PROC: variants seen among roughly 807,000 people sequenced by gnomAD.
PROC encodes vitamin K-dependent protein C.
Under a neutral mutation model 36.3 loss-of-function variants are expected in PROC, and 22 were observed. The observed-to-expected ratio is 0.61, with a 90% CI of 0.43 to 0.86. PROC has a LOEUF of 0.86. Among genes scored for constraint, PROC ranks in the 40% least tolerant of loss-of-function variants. The pLI is 0.00. For missense variants in PROC, 526 were observed against 629.7 expected, an observed-to-expected ratio of 0.84 and a Z score of 1.76; for synonymous variants, 218 against 244.5, an observed-to-expected ratio of 0.89 and a Z score of 1.01.
Position 127,428,767 on chromosome 2 carries a change from G to C in PROC, c.1207G>C (p.Gly403Arg), listed in dbSNP as rs1442363621. The change falls in exon 9 of 9, where the codon GGG becomes CGG. Residue 403 changes from glycine to arginine, a missense_variant. Transcript: ENST00000234071. Reference protein sequence around the residue: ...DRQDACEGDSGGPMVASFHGT... With the variant: ...DRQDACEGDSRGPMVASFHGT... ...GCAGGATGCCTGCGAGGGCGACAGT[G>C]GGGGGCCCATGGTCGCCTCCTTCCA... is the stretch of plus-strand genomic sequence containing the variant. The C allele has an allele frequency of 1.2e-6, 2 of 1,612,922 alleles. No homozygotes were observed. The highest frequency in any genetic ancestry group is 8.5e-7 in the Non-Finnish European group (1 of 1,179,708).
rs145800354 is a variant in PROC at position 127,428,671 on chromosome 2, A to G, written c.1111A>G (p.Asn371Asp). 269 of 1,613,988 alleles carry G rather than the reference A, an allele frequency of 1.7e-4. No homozygotes were observed. In the African/African-American group the frequency reaches 3.2e-3, roughly 19 times the overall value. Residue 371 changes from asparagine (N) to aspartate (D), a missense_variant, in exon 9 of 9, where the codon AAT (asparagine) becomes GAT (aspartate). Physicochemically the swap from Asn to Asp is conservative, Grantham distance 23 (BLOSUM62 1). Transcript: ENST00000234071. Reference sequence around the variant, plus strand: ...CATCAAGATTCCCGTGGTCCCGCACAATGAGTGCAGCGAGGTCATGAGCAA... The same window carrying G: ...CATCAAGATTCCCGTGGTCCCGCACGATGAGTGCAGCGAGGTCATGAGCAA... ...NFIKIPVVPH[N>D]ECSEVMSNMV...
intron 6 of PROC, chr2:127,423,624 C>T: frequency 1.5e-6 from 1 of 652,462 alleles, no homozygotes; most frequent in Non-Finnish European, 2.4e-6. Context: ...TTCCCTGCTT[C>T]CTTTCTTCCT....
In PROC at chr2:127,421,301, G is replaced by A; in HGVS notation, c.89G>A (p.Ser30Asn). The change falls in exon 3 of 9, where the codon AGC becomes AAC. Residue 30 changes from serine (S) to asparagine (N), a missense_variant. Physicochemically the swap from Ser to Asn is conservative, Grantham distance 46. Transcript: ENST00000234071. Reference sequence around the variant, plus strand: ...AAACCAGACTCAGTGTTCTCCAGCAGCGAGCGTGCCCACCAGGTGCTGCGG... The same window carrying A: ...AAACCAGACTCAGTGTTCTCCAGCAACGAGCGTGCCCACCAGGTGCTGCGG... The part of the protein sequence containing the change: ...PAPLDSVFSS[S>N]ERAHQVLRIR... The A allele has an allele frequency of 2.5e-6, 4 of 1,613,826 alleles. No individual in the cohort carries two copies. Among genetic ancestry groups the A allele is most frequent in the Non-Finnish European group, 3.4e-6 (4 of 1,179,892 alleles).
intron 8 of PROC, 92 bp downstream of exon 8, chr2:127,427,314 G>A (rs1052386989): frequency 7.0e-6 from 8 of 1,146,300 alleles, no homozygotes; most frequent in Non-Finnish European, 1.0e-5. Flanking sequence ...CCGCTCCCCA[G>A]GTGCTTAAGC....
rs199469478 is a variant in PROC at position 127,423,176 on chromosome 2, G to T, written c.400+5G>T. On this transcript the variant is annotated splice_donor_5th_base_variant and intron_variant, in intron 5 of 8. Transcript: ENST00000234071. ...AGGGCCGCTTCTGCCAGCGCGGTGA[G>T]GGGGAGAGGTGGATGCTGGCGGGCG... 1 of 1,570,272 alleles carries T rather than the reference G, an allele frequency of 6.4e-7. No homozygotes were observed. Among genetic ancestry groups the T allele is most frequent in the Non-Finnish European group, 8.6e-7 (1 of 1,158,056 alleles).
rs1455925750 is a variant in PROC at position 127,421,362 on chromosome 2, C to T, written c.150C>T (p.Leu50=). ...GTGCCAACTCCTTCCTGGAGGAGCT[C>T]CGTCACAGCAGCCTGGAGCGGGAGT... is the stretch of plus-strand genomic sequence containing the variant. The part of the protein sequence containing the change: ...RKRANSFLEE[L]RHSSLERECI... Residue 50 remains leucine, a synonymous_variant, in exon 3 of 9, where the codon CTC becomes CTT. Transcript: ENST00000234071. 1 of 1,613,964 alleles carries T rather than the reference C, an allele frequency of 6.2e-7. No individual in the cohort carries two copies. The highest frequency in any genetic ancestry group is 2.2e-5 in the East Asian group (1 of 44,886).
rs141377984 is a variant in PROC, at chr2:127,425,335, C to A, written c.536-750C>A. On this transcript the variant is annotated intron_variant, in intron 6 of 8. Transcript: ENST00000234071. ...TCCATTCTTTTGTTATGATGCAGCTCCCCTGCTGACGACGTCCCATTGCTC... is the reference window on the plus strand; with the variant it reads ...TCCATTCTTTTGTTATGATGCAGCTACCCTGCTGACGACGTCCCATTGCTC... 4.6e-5 allele frequency among the ~76,000 whole-genome samples: 7 copies of A among 152,322 alleles called. 1 individual carries two copies. Among genetic ancestry groups the A allele is most frequent in the African/African-American group, 1.7e-4 (7 of 41,558 alleles).
intron 3 of PROC, 39 bp from the exon 4 acceptor site, chr2:127,422,878 C>G: frequency 1.9e-6 from 3 of 1,549,240 alleles, no homozygotes; most frequent in Non-Finnish European, 2.6e-6. Flanking sequence ...CCTCCGCACA[C>G]CGGCTGCAGG....
chr2:127,419,743 T>C (rs1687974790), intron 1 of PROC, 179 bp from the exon 2 acceptor site: 6 of 1,418,462 alleles, frequency 4.2e-6, no homozygotes, highest in African/African-American at 1.4e-5. Context: ...CAGCCCCACG[T>C]AGAGCGGGCA....
In PROC at chr2:127,428,682, C is replaced by T. The variant is rs187228759; in HGVS notation, c.1122C>T (p.Ser374=). 2.0e-5 allele frequency: 33 copies of T among 1,613,942 alleles called. No individual in the cohort carries two copies. In the East Asian group the frequency reaches 5.8e-4, roughly 28 times the overall value. ...CCGTGGTCCCGCACAATGAGTGCAG[C>T]GAGGTCATGAGCAACATGGTGTCTG... ...KIPVVPHNEC[S]EVMSNMVSEN... The change falls in exon 9 of 9, where the codon AGC becomes AGT. Residue 374 remains serine, a synonymous_variant. Transcript: ENST00000234071.
chr2:127,421,422 G>A lies in PROC; in HGVS notation c.210G>A (p.Lys70=), dbSNP rs1573437416. The change falls in exon 3 of 9, where the codon AAG becomes AAA. Residue 70 remains lysine, a synonymous_variant. Coordinates refer to ENST00000234071, the MANE Select transcript of PROC (RefSeq NM_000312.4). ...IEEICDFEEA[K]EIFQNVDDTL... ...AGATCTGTGACTTCGAGGAGGCCAA[G>A]GAAATTTTCCAAAATGTGGATGACA... 2 of 1,613,990 alleles carry A rather than the reference G, an allele frequency of 1.2e-6. No homozygotes were observed. The highest frequency in any genetic ancestry group is 4.5e-5 in the East Asian group (2 of 44,886).
chr2:127,427,070 C>T, intron 7 of PROC, 35 bp from the exon 8 acceptor site: 2 of 1,583,526 alleles, frequency 1.3e-6, no homozygotes, highest in Non-Finnish European at 1.7e-6. Flanking sequence ...TGTCAGGAGG[C>T]AGCCCTGTGA....
At chr2:127,425,559 C>T (rs1688437904) in intron 6 of PROC, among the ~76,000 whole-genome samples, 1 of 152,248 alleles carries the variant, frequency 6.6e-6, no homozygotes, top group Non-Finnish European at 1.5e-5. Context: ...CTGTGAGGAG[C>T]TCAGCAGCAT....
At chr2:127,425,450 T>C in intron 6 of PROC, among the ~76,000 whole-genome samples, 1 of 152,210 alleles carries the variant, frequency 6.6e-6, no homozygotes, top group Non-Finnish European at 1.5e-5. Flanking sequence ...CCATGGAGTA[T>C]GCGCTCTCTT....
In PROC at chr2:127,426,523, C is replaced by G. The variant is rs1358612422; in HGVS notation, c.678+296C>G. The G allele has an allele frequency of 2.2e-6, 1 of 461,262 alleles. No homozygotes were observed. The highest frequency in any genetic ancestry group is 2.0e-5 in the African/African-American group (1 of 50,474). The allele number at this position is 461,262 out of a possible 1,614,324, so 28.6% of individuals were successfully genotyped here. A position where few individuals can be genotyped will look rare whatever the true frequency, so the allele number is the denominator to read the frequency against. On this transcript the variant is annotated intron_variant, in intron 7 of 8. Coordinates refer to ENST00000234071, the MANE Select transcript of PROC (RefSeq NM_000312.4). This position sits in a 1 kb window ranked among gnomAD's most constrained non-coding sequence, Gnocchi z 7.0. The stretch of plus-strand genomic sequence containing the variant: ...CTGCTGGCGGGATTTTAGGCAGAAG[C>G]CCTGCTGATGGGAGAGGGCTAGGAG...
intron 2 of PROC, among the ~76,000 whole-genome samples, chr2:127,421,080 C>G (rs930154256): frequency 6.6e-6 from 1 of 152,194 alleles, no homozygotes; most frequent in African/African-American, 2.4e-5. Flanking sequence ...AGGCTTCGTC[C>G]TCCAACTGCC....
intron 2 of PROC, 118 bp downstream of exon 2, chr2:127,420,130 C>A: frequency 1.7e-6 from 2 of 1,207,448 alleles, no homozygotes; most frequent in Non-Finnish European, 2.4e-6. Flanking sequence ...AGGTGAGGGG[C>A]AGATGGGAAT....
intron 6 of PROC, 63 bp downstream of exon 6, chr2:127,423,471 A>ACGGGG (rs1355371567): frequency 1.3e-6 from 2 of 1,522,132 alleles, no homozygotes; most frequent in African/African-American, 2.8e-5. Flanking sequence ...AGGCCCCCTG[A>ACGGGG]CGGGGCGCGG....
chr2:127,428,618 A>G lies in PROC; in HGVS notation c.1058A>G (p.Lys353Arg), dbSNP rs779384632. The change falls in exon 9 of 9, where the codon AAG becomes AGG. Residue 353 changes from lysine (K) to arginine (R), a missense_variant. Coordinates refer to ENST00000234071, the MANE Select transcript of PROC (RefSeq NM_000312.4). The stretch of plus-strand genomic sequence containing the variant: ...CACAGCAGCCGAGAGAAGGAGGCCA[A>G]GAGAAACCGCACCTTCGTCCTCAAC... ...GYHSSREKEAKRNRTFVLNFI... is the reference protein window; with the variant it reads ...GYHSSREKEARRNRTFVLNFI... 2 of 1,614,090 alleles carry G rather than the reference A, an allele frequency of 1.2e-6. No homozygotes were observed. The highest frequency in any genetic ancestry group is 1.7e-6 in the Non-Finnish European group (2 of 1,180,036).
Sources: gnomAD v4.1 joint callset for allele counts (sites outside exome capture counted in the v4.1 genomes callset) on GRCh38, gnomAD v4.1.1 for gene constraint, Gnocchi (gnomAD v3.1) non-coding constraint, MANE v1.5 for transcripts, NCBI Gene and HGNC (gene_info 2026-07-23, HGNC 2026-07-21) for gene names.